The following EYS variants were observed in gnomAD, a reference collection of about 807,000 sequenced individuals.
EYS encodes the protein protein eyes shut homolog.
Under a neutral mutation model 282.1 loss-of-function variants are expected in EYS, and 250 were observed. That is an observed-to-expected ratio of 0.89 (90% CI 0.80 to 0.98). The LOEUF (loss-of-function observed/expected upper bound fraction) is 0.98, where lower values mean the gene tolerates loss of function less well. Ranked by LOEUF, EYS falls within the 50% of genes least tolerant of loss-of-function variation. EYS has a pLI of 0.00. For missense variants in EYS, 4,016 were observed against 3,709.0 expected, an observed-to-expected ratio of 1.08 and a Z score of -2.15; for synonymous variants, 1,355 against 1,282.9, an observed-to-expected ratio of 1.06 and a Z score of -1.20.
chr6:64,707,009 G>A (rs1771042205), intron 22 of EYS, among the ~76,000 whole-genome samples: 1 of 151,938 alleles, frequency 6.6e-6, no homozygotes, highest in Admixed American at 6.6e-5. Context: ...TTGCACACAC[G>A]TTTATAGTAG....
chr6:63,768,566 A>T (rs1439403760), intron 40 of EYS, among the ~76,000 whole-genome samples: 1 of 151,830 alleles, frequency 6.6e-6, no homozygotes, highest in Non-Finnish European at 1.5e-5. Flanking sequence ...TATAAAATGT[A>T]AAAAAAATGA....
intron 12 of EYS, among the ~76,000 whole-genome samples, chr6:65,220,742 T>A (rs1006170298): frequency 6.6e-6 from 1 of 152,110 alleles, no homozygotes; most frequent in African/African-American, 2.4e-5. Context: ...TTTGGAGGGT[T>A]CAGAGGAAGA....
chr6:64,095,899 C>T (rs1194534606), intron 31 of EYS, among the ~76,000 whole-genome samples: 3 of 152,198 alleles, frequency 2.0e-5, no homozygotes, highest in Non-Finnish European at 2.9e-5. Context: ...GTACCGGTTG[C>T]TCCTTTCCAT....
intron 12 of EYS, among the ~76,000 whole-genome samples, chr6:65,072,432 C>G (rs570767272): frequency 6.6e-6 from 1 of 151,784 alleles, no homozygotes; most frequent in Non-Finnish European, 1.5e-5. Flanking sequence ...AATTATGTCT[C>G]TTTCTAAACA....
At position 63,720,371 on chromosome 6, in the gene EYS, T is replaced by C; in HGVS notation, c.*225A>G. 1.3e-5 allele frequency: 6 copies of C among 465,640 alleles called. No homozygotes were observed. The highest frequency in any genetic ancestry group is 1.9e-5 in the Non-Finnish European group (5 of 266,354). The allele number at this position is 465,640 out of a possible 1,614,324, so 28.8% of individuals were successfully genotyped here. A position where few individuals can be genotyped will look rare whatever the true frequency, so the allele number is the denominator to read the frequency against. ...ATTCTGTGAATAAGCACTGAACTAA[T>C]GGAGTTAAAACATGAATCAAAATAT... On this transcript the variant is annotated 3_prime_UTR_variant, in exon 43 of 43. Coordinates refer to ENST00000503581, the MANE Select transcript of EYS (RefSeq NM_001142800.2).
intron 36 of EYS, among the ~76,000 whole-genome samples, chr6:63,822,968 CTG>C (rs1771363082): frequency 6.6e-6 from 1 of 152,100 alleles, no homozygotes; most frequent in South Asian, 2.1e-4. Context: ...ACAATTATGT[CTG>C]TTGAATTTGA....
chr6:64,326,454 C>G, intron 29 of EYS, among the ~76,000 whole-genome samples: 1 of 152,212 alleles, frequency 6.6e-6, no homozygotes, highest in East Asian at 1.9e-4. Context: ...TGCTTCCCAT[C>G]TCACATAGTT....
chr6:64,842,881 CA>C (rs1481169245), intron 19 of EYS, among the ~76,000 whole-genome samples: 1 of 152,024 alleles, frequency 6.6e-6, no homozygotes, highest in Non-Finnish European at 1.5e-5. Flanking sequence ...CCTGATGATG[CA>C]GAGAGAAAAC....
At chr6:65,324,908 G>A (rs144102964) in intron 11 of EYS, among the ~76,000 whole-genome samples, 2,458 of 152,218 alleles carry the variant, frequency 0.016, 61 homozygotes, top group African/African-American at 0.056. Flanking sequence ...TGTATCTCTG[G>A]GATTAAAGTG....
chr6:64,665,751 C>A (rs548947712), intron 22 of EYS, among the ~76,000 whole-genome samples: 1 of 152,242 alleles, frequency 6.6e-6, no homozygotes, highest in East Asian at 1.9e-4. Context: ...AGTTCTGTTC[C>A]TACTGTTCTG....
chr6:65,123,681 T>C (rs919850535), intron 12 of EYS, among the ~76,000 whole-genome samples: 3 of 152,002 alleles, frequency 2.0e-5, no homozygotes, highest in Admixed American at 6.6e-5. Context: ...AAAGCAGCTT[T>C]GGTGAAAAAC....
chr6:64,762,459 T>G (rs1243023086), intron 22 of EYS, among the ~76,000 whole-genome samples: 1 of 152,232 alleles, frequency 6.6e-6, no homozygotes, highest in East Asian at 1.9e-4. Context: ...GTTATGTTTC[T>G]CTGAAGAGCA....
At chr6:65,369,850 G>A (rs1765069885) in intron 8 of EYS, among the ~76,000 whole-genome samples, 1 of 151,554 alleles carries the variant, frequency 6.6e-6, no homozygotes, top group Admixed American at 6.7e-5. Context: ...TTCCTTCAGG[G>A]ATCTTCCTGA....
At chr6:63,738,677 T>G (rs1377544729) in intron 41 of EYS, among the ~76,000 whole-genome samples, 1 of 151,742 alleles carries the variant, frequency 6.6e-6, no homozygotes, top group Non-Finnish European at 1.5e-5. Flanking sequence ...GCATGGCACA[T>G]GTATACATAT....
At chr6:64,197,243 G>GA (rs1457055126) in intron 31 of EYS, among the ~76,000 whole-genome samples, 1 of 152,108 alleles carries the variant, frequency 6.6e-6, no homozygotes, top group African/African-American at 2.4e-5. Flanking sequence ...CTCTGCTGTT[G>GA]AGAGAGGCGA....
chr6:63,962,125 C>T (rs1330481261), intron 35 of EYS, among the ~76,000 whole-genome samples: 1 of 152,174 alleles, frequency 6.6e-6, no homozygotes, highest in East Asian at 1.9e-4. Context: ...GGATTAAAGA[C>T]TTAGATGTTA....
chr6:64,447,227 A>C, intron 26 of EYS, among the ~76,000 whole-genome samples: 1 of 151,740 alleles, frequency 6.6e-6, no homozygotes, highest in South Asian at 2.1e-4. Context: ...TCTAAAGAAG[A>C]GCTTGAATTT....
At chr6:63,864,874 T>C (rs2149709959) in intron 35 of EYS, among the ~76,000 whole-genome samples, 1 of 152,286 alleles carries the variant, frequency 6.6e-6, no homozygotes. Context: ...CAGCTTAAAA[T>C]ATGGTTTGGT....
chr6:64,491,904 C>A (rs1353749219), intron 26 of EYS, among the ~76,000 whole-genome samples: 2 of 151,104 alleles, frequency 1.3e-5, no homozygotes, highest in African/African-American at 4.8e-5. Flanking sequence ...ATAGCATGTG[C>A]TATTCCTTGT....
Sources: gnomAD v4.1 joint callset for allele counts (sites outside exome capture counted in the v4.1 genomes callset) on GRCh38, gnomAD v4.1.1 for gene constraint, MANE v1.5 for transcripts, NCBI Gene and HGNC (gene_info 2026-07-23, HGNC 2026-07-21) for gene names.